The following ING1 variants were observed in gnomAD, a reference collection of about 807,000 sequenced individuals.
ING1 encodes the protein inhibitor of growth family member 1, also known as inhibitor of growth protein 1.
Under a neutral mutation model 23.1 loss-of-function variants are expected in ING1, and 4 were observed. The ratio of observed to expected loss-of-function variants is 0.17; its 90% CI spans 0.09 to 0.40. The LOEUF (loss-of-function observed/expected upper bound fraction) is 0.40. Ranked by LOEUF, ING1 falls within the 10% of genes least tolerant of loss-of-function variation. ING1 has a pLI of 1.00. For missense variants in ING1, 256 were observed against 393.8 expected (o/e 0.65, Z 2.96); for synonymous variants, 179 against 166.4 (o/e 1.08, Z -0.58).
chr13:110,713,410 A>G, upstream of ING1: 1 of 1,015,358 alleles, frequency 9.8e-7, no homozygotes, highest in Non-Finnish European at 1.2e-6. Context: ...GCCGCCCAAC[A>G]GGCTCTGCCT....
chr13:110,715,686 G>T, intron 1 of ING1: 1 of 1,602,582 alleles, frequency 6.2e-7, no homozygotes, highest in East Asian at 2.2e-5. Flanking sequence ...CCGCCCTGCG[G>T]TGTGGTTGGT....
At chr13:110,714,861 C>G in intron 1 of ING1, 3 of 517,646 alleles carry the variant, frequency 5.8e-6, no homozygotes, top group Non-Finnish European at 7.5e-6. Context: ...CCCCCTCCGG[C>G]CCTCACTTGG....
rs529446573 is a variant in ING1 at position 110,715,807 on chromosome 13, G to A, written c.136+1522G>A. On this transcript the variant is annotated intron_variant, in intron 1 of 1. Coordinates refer to ENST00000333219, the MANE Select transcript of ING1 (RefSeq NM_198219.3). ...TCCCCATTGGCTGGAGGCCTGGCGG[G>A]TGTCGCCCCGGCCCCTCTCCCCGCT... The A allele has an allele frequency of 2.0e-5, 31 of 1,585,104 alleles. 1 individual carries two copies. The South Asian group carries it at 3.2e-4, about 17-fold the overall frequency.
rs1483845420 is a variant in ING1, at chr13:110,719,384, C to T, written c.292C>T (p.Leu98=). Residue 98 remains leucine (L), a synonymous_variant, in exon 2 of 2, where the codon CTG becomes TTG. Transcript: ENST00000333219. This position sits in a 1 kb window ranked among gnomAD's most constrained non-coding sequence, Gnocchi z 8.9. ...CCAGATCGTGAGCCAGATGGTGGAGCTGGTGGAGAACCGCACGCGGCAGGT... is the reference window on the plus strand; with the variant it reads ...CCAGATCGTGAGCCAGATGGTGGAGTTGGTGGAGAACCGCACGCGGCAGGT... The part of the protein sequence containing the change: ...KIQIVSQMVE[L]VENRTRQVDS... 1 of 1,610,260 alleles carries T rather than the reference C, an allele frequency of 6.2e-7. No homozygotes were observed. The highest frequency in any genetic ancestry group is 1.3e-5 in the African/African-American group (1 of 74,874).
chr13:110,714,900 G>T, intron 1 of ING1: 1 of 872,102 alleles, frequency 1.1e-6, no homozygotes, highest in Non-Finnish European at 1.4e-6. Flanking sequence ...GGCCGACTGC[G>T]AGGGGCGACG....
At chr13:110,715,343 C>T (rs907068698) in intron 1 of ING1, 3 of 1,462,194 alleles carry the variant, frequency 2.1e-6, no homozygotes, top group East Asian at 4.8e-5. Flanking sequence ...GAAGGCGCCC[C>T]TGCGCGTTCT....
At position 110,714,233 on chromosome 13, in the gene ING1, C is replaced by A. The variant is rs753613951; in HGVS notation, c.84C>A (p.Phe28Leu). Residue 28 changes from phenylalanine (F) to leucine (L), a missense_variant, in exon 1 of 2, where the codon TTC (phenylalanine) becomes TTA (leucine). Transcript: ENST00000333219. ...DYLDSIESLP[F>L]DLQRNVSLMR... The stretch of plus-strand genomic sequence containing the variant: ...TGGACTCCATCGAGTCCCTGCCTTT[C>A]GACTTGCAGAGAAATGTCTCGCTGA... The A allele has an allele frequency of 2.5e-6, 4 of 1,577,878 alleles. No individual in the cohort carries two copies. Among genetic ancestry groups the A allele is most frequent in the Non-Finnish European group, 2.6e-6 (3 of 1,163,902 alleles).
At chr13:110,714,912 C>T (rs888855616) in intron 1 of ING1, 28 of 916,814 alleles carry the variant, frequency 3.1e-5, no homozygotes, top group Admixed American at 6.2e-5. Context: ...GGGGCGACGC[C>T]GCCGGTTGTA....
chr13:110,718,536 T>C (rs2064142634), intron 1 of ING1, among the ~76,000 whole-genome samples: 1 of 152,248 alleles, frequency 6.6e-6, no homozygotes, highest in Non-Finnish European at 1.5e-5. Context: ...ATGTGGGGAC[T>C]GAAACTGAGG....
Position 110,720,104 on chromosome 13 carries a change from G to T in ING1, c.*172G>T, listed in dbSNP as rs528239972. ...ATTCTGTTTGCCTTTTGTTTTCATT[G>T]GTACACGTGTAACAAGAAAGTGGTC... On this transcript the variant is annotated 3_prime_UTR_variant, in exon 2 of 2. Transcript: ENST00000333219. 2 of 536,332 alleles carry T rather than the reference G, an allele frequency of 3.7e-6. No individual in the cohort carries two copies. The highest frequency in any genetic ancestry group is 6.6e-5 in the East Asian group (2 of 30,378). 33.2% of individuals were successfully genotyped at this position (536,332 alleles called of 1,614,324 possible). A position where few individuals can be genotyped will look rare whatever the true frequency, so the allele number is the denominator to read the frequency against.
intron 1 of ING1, among the ~76,000 whole-genome samples, chr13:110,718,928 G>A (rs559325396): frequency 6.6e-6 from 1 of 152,166 alleles, no homozygotes; most frequent in East Asian, 1.9e-4. Context: ...TAATGGCTTC[G>A]GGCGTTGTCA....
intron 1 of ING1, chr13:110,715,554 T>C: frequency 1.9e-6 from 3 of 1,614,092 alleles, no homozygotes; most frequent in Non-Finnish European, 2.5e-6. Context: ...TCCGCTGTCT[T>C]CTTTTTTCTT....
At chr13:110,713,004 G>C (rs1347778911), upstream of ING1, 1 of 1,540,688 alleles carries the variant, frequency 6.5e-7, no homozygotes, top group Non-Finnish European at 8.7e-7. Context: ...CTCTGCGGCC[G>C]CAGCTCAAAG....
intron 1 of ING1, chr13:110,715,472 C>T (rs200707332): frequency 8.1e-6 from 13 of 1,610,504 alleles, no homozygotes; most frequent in Admixed American, 1.7e-5. Flanking sequence ...CCTTATCATT[C>T]CCCTGCGGAA....
At chr13:110,714,641 G>A (rs1259273100) in intron 1 of ING1, among the ~76,000 whole-genome samples, 1 of 152,176 alleles carries the variant, frequency 6.6e-6, no homozygotes, top group Non-Finnish European at 1.5e-5. Flanking sequence ...ATGGAGGGAT[G>A]TGCCGGCGCC....
upstream of ING1, chr13:110,712,803 C>A: frequency 1.3e-6 from 1 of 774,536 alleles, no homozygotes; most frequent in Non-Finnish European, 2.2e-6. Flanking sequence ...CCCCTCGGGC[C>A]TATCCACCTC....
rs2064179522 is a variant in ING1, at chr13:110,722,755, AAAAT to A, written c.*2825_*2828del. ...TGGGTAGCCACTTATTCTTTAAAAA[AAAAT>A]AGATACAATACAGAGTCGTGTTGGA... is the stretch of plus-strand genomic sequence containing the variant. On this transcript the variant is annotated 3_prime_UTR_variant, in exon 2 of 2. Coordinates refer to ENST00000333219, the MANE Select transcript of ING1 (RefSeq NM_198219.3). 2 of 152,250 alleles carry A rather than the reference AAAAT, an allele frequency of 1.3e-5. No individual in the cohort carries two copies. The highest frequency in any genetic ancestry group is 6.5e-5 in the Admixed American group (1 of 15,284). 9.4% of individuals were successfully genotyped at this position (152,250 alleles called of 1,614,324 possible). A position where few individuals can be genotyped will look rare whatever the true frequency, so the allele number is the denominator to read the frequency against.
intron 1 of ING1, among the ~76,000 whole-genome samples, chr13:110,716,480 C>G (rs1412031714): frequency 6.6e-6 from 1 of 152,168 alleles, no homozygotes; most frequent in Admixed American, 6.5e-5. Flanking sequence ...TGTAGGAAGT[C>G]AAACGTCTTT....
Position 110,721,848 on chromosome 13 carries a change from A to C in ING1, c.*1916A>C, listed in dbSNP as rs1007835705. On this transcript the variant is annotated 3_prime_UTR_variant, in exon 2 of 2. Transcript: ENST00000333219. Reference sequence around the variant, plus strand: ...CGGCCTCCCACAGTGCTGGGATTACAGGCGTGAGCCACCGTGCGCTGAGTG... The same window carrying C: ...CGGCCTCCCACAGTGCTGGGATTACCGGCGTGAGCCACCGTGCGCTGAGTG... 47 of 152,374 alleles carry C rather than the reference A, an allele frequency of 3.1e-4. No individual in the cohort carries two copies. The highest frequency in any genetic ancestry group is 1.1e-3 in the African/African-American group (44 of 41,564). 9.4% of individuals were successfully genotyped at this position (152,374 alleles called of 1,614,324 possible).
Sources: allele counts gnomAD v4.1 joint callset (sites outside exome capture counted in the v4.1 genomes callset), GRCh38; gene constraint gnomAD v4.1.1; non-coding constraint Gnocchi (gnomAD v3.1); transcripts MANE v1.5; gene names NCBI Gene and HGNC (gene_info 2026-07-23, HGNC 2026-07-21).